The following SKA2 variants were observed in gnomAD, a reference collection of about 807,000 sequenced individuals.
The protein encoded by SKA2 is spindle and kinetochore associated complex subunit 2.
In SKA2, 13 loss-of-function variants were observed where a neutral mutation model predicts 16.9. The observed-to-expected ratio is 0.77, with a 90% CI of 0.50 to 1.22. SKA2 has a LOEUF of 1.22. Ranked by LOEUF, SKA2 falls within the 50% of genes most tolerant of loss-of-function variation. The probability of loss-of-function intolerance (pLI) is 0.00; values close to 1 mark genes in which losing one functional copy is unlikely to be tolerated. For missense variants in SKA2, 107 were observed against 139.7 expected, an observed-to-expected ratio of 0.77 and a Z score of 1.18; for synonymous variants, 47 against 48.5, an observed-to-expected ratio of 0.97 and a Z score of 0.13.
At chr17:59,143,232 C>A (rs1325550581) in intron 1 of SKA2, among the ~76,000 whole-genome samples, 1 of 150,508 alleles carries the variant, frequency 6.6e-6, no homozygotes, top group African/African-American at 2.4e-5. Context: ...TTGAGAGAGT[C>A]TCACTCTGTC....
chr17:59,125,147 A>ATTTTTTT (rs10719455), intron 2 of SKA2, among the ~76,000 whole-genome samples: 24 of 95,882 alleles, frequency 2.5e-4, no homozygotes, highest in East Asian at 6.6e-4. Context: ...CTAATTTTGT[A>ATTTTTTT]TTTTTTTTTT....
At chr17:59,142,948 A>G (rs1421041638) in intron 1 of SKA2, among the ~76,000 whole-genome samples, 95 of 149,716 alleles carry the variant, frequency 6.3e-4, no homozygotes, top group African/African-American at 1.5e-3. Context: ...AAAAAAAAAA[A>G]AGAGAGAGAG....
At chr17:59,147,207 C>G (rs2046539747) in intron 1 of SKA2, among the ~76,000 whole-genome samples, 1 of 151,972 alleles carries the variant, frequency 6.6e-6, no homozygotes, top group African/African-American at 2.4e-5. Context: ...CTTGGCCCCT[C>G]CTCTAGGTTA....
chr17:59,112,423 A>G, intron 3 of SKA2, 78 bp from the exon 4 acceptor site: 1 of 1,047,466 alleles, frequency 9.5e-7, no homozygotes, highest in East Asian at 2.4e-5. Flanking sequence ...CTGCATTGTC[A>G]CACCAATAAA....
chr17:59,145,834 T>G (rs2046527908), intron 1 of SKA2, among the ~76,000 whole-genome samples: 3 of 151,786 alleles, frequency 2.0e-5, no homozygotes, highest in African/African-American at 7.3e-5. Context: ...AAAAAAGTTT[T>G]TTAAACTAGC....
At chr17:59,128,772 G>A (rs1041078035) in intron 2 of SKA2, among the ~76,000 whole-genome samples, 3 of 152,152 alleles carry the variant, frequency 2.0e-5, no homozygotes, top group African/African-American at 2.4e-5. Flanking sequence ...CAGGATAGCA[G>A]GGAAGGGTGG....
At chr17:59,142,748 G>A (rs972187553) in intron 1 of SKA2, among the ~76,000 whole-genome samples, 1 of 151,700 alleles carries the variant, frequency 6.6e-6, no homozygotes, top group Middle Eastern at 3.4e-3. Flanking sequence ...CCAACATGGT[G>A]AAATCCCATC....
chr17:59,112,683 G>C (rs1057272067), intron 3 of SKA2, among the ~76,000 whole-genome samples: 2 of 152,090 alleles, frequency 1.3e-5, no homozygotes, highest in Non-Finnish European at 2.9e-5. Context: ...TTGATTCCAG[G>C]ATAACAAAAT....
chr17:59,126,121 A>T (rs1349951484), intron 2 of SKA2, among the ~76,000 whole-genome samples: 6 of 151,648 alleles, frequency 4.0e-5, no homozygotes, highest in African/African-American at 1.5e-4. Context: ...CAGTGAGCCG[A>T]GATCGCGCCA....
chr17:59,119,327 C>G lies in SKA2; in HGVS notation c.289G>C (p.Asp97His). The change falls in exon 3 of 4, where the codon GAC becomes CAC. Residue 97 changes from aspartate to histidine, a missense_variant. By Grantham distance (81) the Asp-to-His change is moderately conservative. Coordinates refer to ENST00000330137, the MANE Select transcript of SKA2 (RefSeq NM_182620.4). Reference protein sequence around the residue: ...NMIQKLQKQTDLELSPLTKEE... With the variant: ...NMIQKLQKQTHLELSPLTKEE... ...TCAACTGAAAGCATTACCTCCAGGT[C>G]TGTTTGCTTCTGTAGTTTTTGTATC... 6.2e-7 allele frequency: 1 copy of G among 1,613,842 alleles called. No individual in the cohort carries two copies. The highest frequency in any genetic ancestry group is 1.3e-5 in the African/African-American group (1 of 75,046).
chr17:59,130,282 A>C (rs1031212108), intron 2 of SKA2, among the ~76,000 whole-genome samples: 8 of 151,782 alleles, frequency 5.3e-5, no homozygotes, highest in Non-Finnish European at 1.2e-4. Flanking sequence ...TTAACTGTAA[A>C]ATGCACTGTT....
At chr17:59,114,575 A>G (rs1265390394) in intron 3 of SKA2, among the ~76,000 whole-genome samples, 2 of 152,198 alleles carry the variant, frequency 1.3e-5, no homozygotes, top group Non-Finnish European at 1.5e-5. Context: ...ACTGTCATAT[A>G]TATTTGGTCC....
chr17:59,143,407 A>G (rs2147816631), intron 1 of SKA2, among the ~76,000 whole-genome samples: 1 of 152,158 alleles, frequency 6.6e-6, no homozygotes, highest in Admixed American at 6.5e-5. Context: ...TTTGAGTCAG[A>G]GTCTTACTCT....
chr17:59,127,531 G>A lies in SKA2; in HGVS notation c.120+3750C>T, dbSNP rs375122059. On this transcript the variant is annotated intron_variant, in intron 2 of 3. Coordinates refer to ENST00000330137, the MANE Select transcript of SKA2 (RefSeq NM_182620.4). ...AGCCTCCCAAGTAGCTGGGGTTACA[G>A]GCTCGTGCCACCACGCCCGGCTAAT... Among the ~76,000 whole-genome samples the A allele has an allele frequency of 1.2e-3, 185 of 152,198 alleles. 3 individuals carry two copies. In the South Asian group the frequency reaches 0.034, roughly 28 times the overall value.
At chr17:59,134,174 A>C (rs1264690588) in intron 1 of SKA2, among the ~76,000 whole-genome samples, 2 of 152,226 alleles carry the variant, frequency 1.3e-5, no homozygotes, top group Non-Finnish European at 2.9e-5. Flanking sequence ...AAAGTACACT[A>C]ACCCATAAAA....
At chr17:59,127,498 C>T (rs1187742742) in intron 2 of SKA2, among the ~76,000 whole-genome samples, 2 of 152,136 alleles carry the variant, frequency 1.3e-5, no homozygotes, top group African/African-American at 2.4e-5. Flanking sequence ...AAGCAATTCT[C>T]CTATCTCAGC....
intron 1 of SKA2, among the ~76,000 whole-genome samples, chr17:59,141,723 CAA>C (rs540951589): frequency 5.8e-4 from 31 of 53,264 alleles, no homozygotes; most frequent in Admixed American, 8.5e-4. Context: ...GACCTTGTCT[CAA>C]AAAAAAAAAA....
Position 59,152,276 on chromosome 17 carries a change from A to T in SKA2, c.33+2855T>A, listed in dbSNP as rs543076083. On this transcript the variant is annotated intron_variant, in intron 1 of 3. Coordinates refer to ENST00000330137, the MANE Select transcript of SKA2 (RefSeq NM_182620.4). ...GTAATGTTGATTGATGCAAAAATATATTTTCATTATTTTCACCAACCTCCC... is the reference window on the plus strand; with the variant it reads ...GTAATGTTGATTGATGCAAAAATATTTTTTCATTATTTTCACCAACCTCCC... Among the ~76,000 whole-genome samples, 3 of 152,170 alleles carry T rather than the reference A, an allele frequency of 2.0e-5. No homozygotes were observed. The East Asian group carries it at 5.8e-4, about 29-fold the overall frequency.
chr17:59,136,951 G>GTTA (rs1433028553), intron 1 of SKA2, among the ~76,000 whole-genome samples: 1 of 152,130 alleles, frequency 6.6e-6, no homozygotes, highest in Non-Finnish European at 1.5e-5. Context: ...TTCTTATGTA[G>GTTA]TTAGACAAAG....
Sources: allele counts gnomAD v4.1 joint callset (sites outside exome capture counted in the v4.1 genomes callset), GRCh38; gene constraint gnomAD v4.1.1; transcripts MANE v1.5; gene names NCBI Gene and HGNC (gene_info 2026-07-23, HGNC 2026-07-21).